Variants in C8orf74 observed in about 807,000 individuals in gnomAD.
C8orf74 encodes chromosome 8 open reading frame 74, also known as uncharacterized protein C8orf74.
In C8orf74, 29 loss-of-function variants were observed where a neutral mutation model predicts 22.2. The observed-to-expected ratio is 1.31, with a 90% CI of 0.97 to 1.78. The LOEUF (loss-of-function observed/expected upper bound fraction) is 1.78. Among genes scored for constraint, C8orf74 ranks in the 40% most tolerant of loss-of-function variants. The pLI is 0.00. For missense variants in C8orf74, 515 were observed against 369.9 expected (o/e 1.39, Z -3.22); for synonymous variants, 255 against 163.1 (o/e 1.56, Z -4.30).
At chr8:10,684,196 C>A (rs1799213989) in intron 2 of C8orf74, among the ~76,000 whole-genome samples, 1 of 152,240 alleles carries the variant, frequency 6.6e-6, no homozygotes, top group Non-Finnish European at 1.5e-5. Context: ...ACTAATTCAA[C>A]TGAAGTTCAG....
At chr8:10,694,349 T>A (rs975041904) in intron 2 of C8orf74, among the ~76,000 whole-genome samples, 1 of 152,156 alleles carries the variant, frequency 6.6e-6, no homozygotes, top group Non-Finnish European at 1.5e-5. Context: ...CTGAAAAGTA[T>A]CTGAGACAGG....
intron 2 of C8orf74, among the ~76,000 whole-genome samples, chr8:10,679,477 T>G (rs7837454): frequency 6.6e-6 from 1 of 152,198 alleles, no homozygotes; most frequent in African/African-American, 2.4e-5. Flanking sequence ...TTCTCTGGTG[T>G]CATCCAAGTG....
intron 1 of C8orf74, among the ~76,000 whole-genome samples, chr8:10,673,310 G>A (rs1281260999): frequency 6.6e-6 from 1 of 152,084 alleles, no homozygotes; most frequent in African/African-American, 2.4e-5. Flanking sequence ...TACATCTGCT[G>A]GGAGCCTATA....
intron 1 of C8orf74, among the ~76,000 whole-genome samples, chr8:10,673,066 T>C (rs1169164056): frequency 1.3e-5 from 2 of 151,972 alleles, no homozygotes; most frequent in East Asian, 1.9e-4. Context: ...GGGTGCTGTC[T>C]AGATTAGGCA....
chr8:10,700,333 C>A lies in C8orf74; in HGVS notation c.747C>A (p.Asp249Glu), dbSNP rs778366643. The change falls in exon 4 of 4, where the codon GAC becomes GAA. Residue 249 changes from aspartate (D) to glutamate (E), a missense_variant. Asp to Glu is a conservative substitution (Grantham distance 45). Transcript: ENST00000304519. The stretch of plus-strand genomic sequence containing the variant: ...TCCAGAACACATTCGCCATCTTGGA[C>A]CTGAAGCTTCAGAAGAAGACTCTGA... ...RQIQNTFAIL[D>E]LKLQKKTLNL... 4.3e-6 allele frequency: 7 copies of A among 1,613,842 alleles called. No homozygotes were observed. Among genetic ancestry groups the A allele is most frequent in the Non-Finnish European group, 5.1e-6 (6 of 1,179,784 alleles).
In C8orf74 at chr8:10,700,225, T is replaced by C; in HGVS notation, c.649-10T>C. The C allele has an allele frequency of 6.3e-7, 1 of 1,578,160 alleles. No individual in the cohort carries two copies. Among genetic ancestry groups the C allele is most frequent in the Non-Finnish European group, 8.7e-7 (1 of 1,154,766 alleles). On this transcript the variant is annotated splice_polypyrimidine_tract_variant and intron_variant, in intron 3 of 3. Transcript: ENST00000304519. ...CAGCCCTGCTCATCGGCCTTCCCCTTTCCTTCCAGGAGTTGGAGAGCCTCA... is the reference window on the plus strand; with the variant it reads ...CAGCCCTGCTCATCGGCCTTCCCCTCTCCTTCCAGGAGTTGGAGAGCCTCA...
chr8:10,678,465 G>A (rs889672009), intron 2 of C8orf74, among the ~76,000 whole-genome samples: 28 of 152,258 alleles, frequency 1.8e-4, no homozygotes, highest in South Asian at 1.0e-3. Context: ...CGCTTCAGAC[G>A]GGCCCTAGCA....
At position 10,697,852 on chromosome 8, in the gene C8orf74, G is replaced by A. The variant is rs774711691; in HGVS notation, c.495G>A (p.Glu165=). Residue 165 remains glutamate (E), a synonymous_variant, in exon 3 of 4, where the codon GAG becomes GAA. Coordinates refer to ENST00000304519, the MANE Select transcript of C8orf74 (RefSeq NM_001040032.2). ...EGMDRDLWIH[E]QQVATLTEAE... is the part of the protein sequence containing the mutation. ...TGGACAGGGACTTGTGGATCCACGA[G>A]CAGCAGGTGGCCACACTGACGGAGG... is the stretch of plus-strand genomic sequence containing the variant. 30 of 1,613,444 alleles carry A rather than the reference G, an allele frequency of 1.9e-5. No homozygotes were observed. Among genetic ancestry groups the A allele is most frequent in the Non-Finnish European group, 2.5e-5 (29 of 1,179,684 alleles).
chr8:10,696,768 G>A (rs1448856865), intron 2 of C8orf74, among the ~76,000 whole-genome samples: 1 of 151,872 alleles, frequency 6.6e-6, no homozygotes, highest in African/African-American at 2.4e-5. Context: ...CCACTCTTAT[G>A]GGAATTCCTT....
chr8:10,681,581 G>C (rs1019218686), intron 2 of C8orf74, among the ~76,000 whole-genome samples: 1 of 152,186 alleles, frequency 6.6e-6, no homozygotes, highest in Non-Finnish European at 1.5e-5. Context: ...GGCTTCCCTT[G>C]GCAGGAAACT....
Position 10,697,918 on chromosome 8 carries a change from G to C in C8orf74, c.561G>C (p.Glu187Asp). 1 of 1,601,636 alleles carries C rather than the reference G, an allele frequency of 6.2e-7. No individual in the cohort carries two copies. ...GCGCCGACGTGCTGCTCCTGAAAGAGGCGCTGCGCCTGGAGCGGGAGAACT... is the reference window on the plus strand; with the variant it reads ...GCGCCGACGTGCTGCTCCTGAAAGACGCGCTGCGCCTGGAGCGGGAGAACT... ...QKRADVLLLKEALRLERENSL... is the reference protein window; with the variant it reads ...QKRADVLLLKDALRLERENSL... Residue 187 changes from glutamate (E) to aspartate (D), a missense_variant, in exon 3 of 4, where the codon GAG becomes GAC. Coordinates refer to ENST00000304519, the MANE Select transcript of C8orf74 (RefSeq NM_001040032.2).
intron 2 of C8orf74, among the ~76,000 whole-genome samples, chr8:10,694,838 A>T (rs1312194282): frequency 6.6e-6 from 1 of 152,146 alleles, no homozygotes; most frequent in Non-Finnish European, 1.5e-5. Flanking sequence ...ATGGATAAAC[A>T]AACGGGTGGA....
chr8:10,698,026 C>A (rs766525640), intron 3 of C8orf74, 21 bp downstream of exon 3: 3 of 1,448,440 alleles, frequency 2.1e-6, no homozygotes, highest in Non-Finnish European at 2.7e-6. Context: ...GCCCCCCTGC[C>A]GTGGGTGGGC....
At chr8:10,680,188 A>T (rs930086444) in intron 2 of C8orf74, among the ~76,000 whole-genome samples, 1 of 152,242 alleles carries the variant, frequency 6.6e-6, no homozygotes, top group Admixed American at 6.5e-5. Context: ...AGCACCGCCA[A>T]TGTGAGAGGC....
In C8orf74 at chr8:10,696,014, C is replaced by T. The variant is rs1031046614; in HGVS notation, c.242-1585C>T. On this transcript the variant is annotated intron_variant, in intron 2 of 3. Coordinates refer to ENST00000304519, the MANE Select transcript of C8orf74 (RefSeq NM_001040032.2). Reference sequence around the variant, plus strand: ...CAGTACATTTCCAGGACGGTGTCTGCGAGAACCCAGGTCTCCACGCCTGGG... The same window carrying T: ...CAGTACATTTCCAGGACGGTGTCTGTGAGAACCCAGGTCTCCACGCCTGGG... 7.9e-5 allele frequency among the ~76,000 whole-genome samples: 12 copies of T among 152,262 alleles called. 1 individual carries two copies. In the Middle Eastern group the frequency reaches 0.01, roughly 129 times the overall value.
chr8:10,694,788 G>C (rs181606844), intron 2 of C8orf74, among the ~76,000 whole-genome samples: 1 of 152,184 alleles, frequency 6.6e-6, no homozygotes, highest in African/African-American at 2.4e-5. Context: ...GAATGGATGG[G>C]TGGATAGATC....
intron 2 of C8orf74, among the ~76,000 whole-genome samples, chr8:10,676,189 AT>A (rs568928669): frequency 5.1e-4 from 77 of 151,822 alleles, no homozygotes; most frequent in African/African-American, 1.4e-3. Flanking sequence ...AAGTATAATA[AT>A]TTTTTTTTAA....
chr8:10,683,738 C>T (rs1287611709), intron 2 of C8orf74, among the ~76,000 whole-genome samples: 1 of 152,184 alleles, frequency 6.6e-6, no homozygotes, highest in Non-Finnish European at 1.5e-5. Context: ...GGATCCAACC[C>T]CCATCTGACA....
intron 2 of C8orf74, among the ~76,000 whole-genome samples, chr8:10,687,955 C>T (rs1397565153): frequency 6.6e-6 from 1 of 152,104 alleles, no homozygotes; most frequent in South Asian, 2.1e-4. Flanking sequence ...CCTGTAATCC[C>T]AGCACTTTGG....
Sources: allele counts gnomAD v4.1 joint callset (sites outside exome capture counted in the v4.1 genomes callset), GRCh38; gene constraint gnomAD v4.1.1; transcripts MANE v1.5; gene names NCBI Gene and HGNC (gene_info 2026-07-23, HGNC 2026-07-21).